CCDC33: variants seen among roughly 807,000 people sequenced by gnomAD.
CCDC33 encodes the protein coiled-coil domain-containing protein 33.
CCDC33 carries 94 observed loss-of-function variants against 91.9 expected under a neutral mutation model. The observed-to-expected ratio is 1.02, with a 90% CI of 0.87 to 1.21. The LOEUF is 1.21. Among genes scored for constraint, CCDC33 ranks in the 50% most tolerant of loss-of-function variants. The pLI, the probability that CCDC33 is intolerant of heterozygous loss-of-function variation, is 0.00. For missense variants in CCDC33, 940 were observed against 935.5 expected (o/e 1.00, Z -0.06); for synonymous variants, 396 against 374.5 (o/e 1.06, Z -0.66).
chr15:74,210,460 T>G (rs2074350881), intron 2 of CCDC33, among the ~76,000 whole-genome samples: 1 of 152,254 alleles, frequency 6.6e-6, no homozygotes, highest in South Asian at 2.1e-4. Context: ...GATCTCATTT[T>G]ATGCTTCTTT....
At chr15:74,259,455 G>A (rs938627270) in intron 2 of CCDC33, among the ~76,000 whole-genome samples, 7 of 152,018 alleles carry the variant, frequency 4.6e-5, no homozygotes, top group African/African-American at 1.5e-4. Context: ...ATCAAGACCC[G>A]GAGGAGTCAG....
At chr15:74,222,523 C>G (rs865941639) in intron 2 of CCDC33, among the ~76,000 whole-genome samples, 1 of 114,154 alleles carries the variant, frequency 8.8e-6, no homozygotes, top group Non-Finnish European at 1.9e-5. Context: ...TTTTTTTTTT[C>G]TTTTTCTTTT....
At chr15:74,313,352 T>C (rs2060026911) in intron 11 of CCDC33, among the ~76,000 whole-genome samples, 1 of 152,024 alleles carries the variant, frequency 6.6e-6, no homozygotes, top group Non-Finnish European at 1.5e-5. Context: ...TGGGTCATTC[T>C]GTCTTCCAGA....
chr15:74,265,789 T>C lies in CCDC33; in HGVS notation c.320-889T>C, dbSNP rs1595981004. Among the ~76,000 whole-genome samples, 8 of 152,356 alleles carry C rather than the reference T, an allele frequency of 5.3e-5. 2 individuals carry two copies. Among genetic ancestry groups the C allele is most frequent in the Admixed American group, 5.2e-4 (8 of 15,306 alleles). ...CTGTAATCCCAGCACTTTGGGAGTC[T>C]GAGGCGGGTGGATCACTTGAAGTCA... is the stretch of plus-strand genomic sequence containing the variant. On this transcript the variant is annotated intron_variant, in intron 3 of 18. Transcript: ENST00000398814.
chr15:74,243,782 TAA>T, intron 1 of CCDC33: 1 of 632,054 alleles, frequency 1.6e-6, no homozygotes, highest in Non-Finnish European at 2.9e-6. Flanking sequence ...CCGTCTCTAC[TAA>T]AAATACAAAA....
chr15:74,220,952 G>A (rs1026802602), intron 2 of CCDC33, among the ~76,000 whole-genome samples: 8 of 152,204 alleles, frequency 5.3e-5, no homozygotes, highest in African/African-American at 1.4e-4. Flanking sequence ...AGGCTCAAAG[G>A]CACAGCTGGA....
intron 1 of CCDC33, among the ~76,000 whole-genome samples, chr15:74,207,401 C>T (rs1457206133): frequency 1.3e-5 from 2 of 152,170 alleles, no homozygotes; most frequent in African/African-American, 4.8e-5. Flanking sequence ...CCCAGACCTT[C>T]AGTAACACAT....
chr15:74,332,859 G>A lies in CCDC33; in HGVS notation c.1938+14G>A. The A allele has an allele frequency of 6.2e-7, 1 of 1,612,570 alleles. No homozygotes were observed. The highest frequency in any genetic ancestry group is 1.3e-5 in the African/African-American group (1 of 75,028). ...CAGGCCCTGCCGGTAAGAGGCCCTT[G>A]ACCTGGGCCTGCCTATGCCGGTCAC... On this transcript the variant is annotated intron_variant, in intron 16 of 18. Coordinates refer to ENST00000398814, the MANE Select transcript of CCDC33 (RefSeq NM_025055.5).
chr15:74,249,953 G>A (rs138749692), intron 2 of CCDC33, among the ~76,000 whole-genome samples: 11 of 152,064 alleles, frequency 7.2e-5, no homozygotes, highest in African/African-American at 1.7e-4. Flanking sequence ...TCTTGATCTC[G>A]TCTACCTGAC....
chr15:74,276,093 A>ACTTC (rs2076441838), intron 7 of CCDC33, among the ~76,000 whole-genome samples: 1 of 152,212 alleles, frequency 6.6e-6, no homozygotes, highest in Admixed American at 6.5e-5. Flanking sequence ...TCCCTGAGCC[A>ACTTC]ATCACTAAGG....
At chr15:74,302,151 T>C (rs899230495) in intron 11 of CCDC33, 6 of 152,100 alleles carry the variant, frequency 3.9e-5, no homozygotes, top group African/African-American at 1.4e-4. Context: ...TTTGTTTCTC[T>C]TCCTTTCTTG....
At chr15:74,319,646 G>C (rs1340591856) in intron 11 of CCDC33, 2 of 152,332 alleles carry the variant, frequency 1.3e-5, no homozygotes, top group African/African-American at 4.8e-5. Flanking sequence ...GAGGAGGAGG[G>C]CCCAGAATGG....
At chr15:74,266,014 A>G (rs1405490099) in intron 3 of CCDC33, among the ~76,000 whole-genome samples, 1 of 152,216 alleles carries the variant, frequency 6.6e-6, no homozygotes, top group African/African-American at 2.4e-5. Flanking sequence ...ACAAAGTGAG[A>G]CGCTGTCTCA....
At chr15:74,232,850 A>G (rs368110436), upstream of CCDC33, among the ~76,000 whole-genome samples, 1 of 151,692 alleles carries the variant, frequency 6.6e-6, no homozygotes, top group South Asian at 2.1e-4. Context: ...GTTCTCCCCC[A>G]CTGGAATGGG....
chr15:74,330,636 G>A, intron 12 of CCDC33, 27 bp from the exon 13 acceptor site: 13 of 1,587,426 alleles, frequency 8.2e-6, no homozygotes, highest in Non-Finnish European at 1.1e-5. Flanking sequence ...CTTCCTCCCT[G>A]AGCCAGCTCC....
chr15:74,280,755 C>T lies in CCDC33; in HGVS notation c.977C>T (p.Thr326Ile), dbSNP rs773059474. 6.3e-6 allele frequency: 10 copies of T among 1,577,218 alleles called. No individual in the cohort carries two copies. The highest frequency in any genetic ancestry group is 7.7e-6 in the Non-Finnish European group (9 of 1,161,356). Residue 326 changes from threonine (T) to isoleucine (I), a missense_variant, in exon 9 of 19, where the codon ACA becomes ATA. Transcript: ENST00000398814. ...AGCCGTTTGTACCAGAAGATGCTGA[C>T]AGGGAAAGGCTTGGACGGGCTTCAC... is the stretch of plus-strand genomic sequence containing the variant. Reference protein sequence around the residue: ...LKSRLYQKMLTGKGLDGLHVE... With the variant: ...LKSRLYQKMLIGKGLDGLHVE...
At chr15:74,304,095 T>C (rs955793438) in intron 11 of CCDC33, 1 of 152,238 alleles carries the variant, frequency 6.6e-6, no homozygotes, top group Admixed American at 6.5e-5. Flanking sequence ...TTGTGTTCCA[T>C]CTCCACCACT....
rs200735867 is a variant in CCDC33 at position 74,332,834 on chromosome 15, C to G, written c.1927C>G (p.Gln643Glu). 18 of 1,613,822 alleles carry G rather than the reference C, an allele frequency of 1.1e-5. No homozygotes were observed. The highest frequency in any genetic ancestry group is 8.5e-7 in the Non-Finnish European group (1 of 1,179,888). Residue 643 changes from glutamine (Q) to glutamate (E), a missense_variant, in exon 16 of 19, where the codon CAG becomes GAG. By Grantham distance (29) the Gln-to-Glu change is conservative. Transcript: ENST00000398814. ...GCAGGCCCCCATCATTCTGCAGCAA[C>G]AGGCCCTGCCGGTAAGAGGCCCTTG... ...HQQAPIILQQ[Q>E]ALPDLLSGTS...
chr15:74,220,047 C>T (rs986353821), intron 2 of CCDC33, among the ~76,000 whole-genome samples: 3 of 151,942 alleles, frequency 2.0e-5, no homozygotes, highest in Admixed American at 1.3e-4. Flanking sequence ...TGGAGGGAGT[C>T]GAGGGCACCA....
Sources: allele counts gnomAD v4.1 joint callset (sites outside exome capture counted in the v4.1 genomes callset), GRCh38; gene constraint gnomAD v4.1.1; transcripts MANE v1.5; gene names NCBI Gene and HGNC (gene_info 2026-07-23, HGNC 2026-07-21).